ALCAM: variants seen among roughly 807,000 people sequenced by gnomAD.
ALCAM encodes the protein activated leukocyte cell adhesion molecule, also known as CD166 antigen.
A neutral mutation model predicts 70.9 loss-of-function variants in ALCAM; 30 were observed. The ratio of observed to expected loss-of-function variants is 0.42; its 90% CI spans 0.32 to 0.57. The LOEUF is 0.57. Among genes scored for constraint, ALCAM ranks in the 20% least tolerant of loss-of-function variants. The pLI is 0.11. For synonymous variants in ALCAM, 249 were observed against 242.5 expected, an observed-to-expected ratio of 1.03 and a Z score of -0.25; for missense variants, 591 against 695.1, an observed-to-expected ratio of 0.85 and a Z score of 1.68.
intron 1 of ALCAM, among the ~76,000 whole-genome samples, chr3:105,446,126 A>G (rs907617476): frequency 6.6e-6 from 1 of 152,148 alleles, no homozygotes; most frequent in Admixed American, 6.5e-5. Flanking sequence ...TCAACTCAAT[A>G]GCAAAAACCC....
intron 1 of ALCAM, among the ~76,000 whole-genome samples, chr3:105,386,741 A>G (rs1417874712): frequency 4.0e-5 from 6 of 151,568 alleles, no homozygotes; most frequent in South Asian, 4.1e-4. Context: ...TGTGGAAAGT[A>G]TATTCTTTCC....
chr3:105,570,027 A>G (rs1940829033), intron 14 of ALCAM, among the ~76,000 whole-genome samples: 1 of 152,170 alleles, frequency 6.6e-6, no homozygotes, highest in African/African-American at 2.4e-5. Flanking sequence ...CCTTAGCCTA[A>G]CAAAGGAAAG....
At chr3:105,384,678 C>T (rs1232641768) in intron 1 of ALCAM, among the ~76,000 whole-genome samples, 2 of 151,524 alleles carry the variant, frequency 1.3e-5, no homozygotes, top group Non-Finnish European at 3.0e-5. Context: ...CCACTGATAA[C>T]TCTCGTTTAT....
intron 5 of ALCAM, among the ~76,000 whole-genome samples, chr3:105,534,132 C>G (rs533849764): frequency 4.1e-4 from 62 of 152,206 alleles, no homozygotes; most frequent in Non-Finnish European, 7.1e-4. Flanking sequence ...CACAACTGAT[C>G]TGACAGGAGA....
chr3:105,469,325 A>G (rs1937850950), intron 1 of ALCAM, among the ~76,000 whole-genome samples: 1 of 151,224 alleles, frequency 6.6e-6, no homozygotes, highest in Non-Finnish European at 1.5e-5. Flanking sequence ...GCTAGATATT[A>G]GGTAGAGTTT....
At chr3:105,457,484 A>G (rs1937549855) in intron 1 of ALCAM, among the ~76,000 whole-genome samples, 1 of 152,124 alleles carries the variant, frequency 6.6e-6, no homozygotes, top group South Asian at 2.1e-4. Flanking sequence ...AATAATCTGT[A>G]TAACACACCT....
chr3:105,496,861 C>T (rs896581418), intron 1 of ALCAM, among the ~76,000 whole-genome samples: 20 of 137,146 alleles, frequency 1.5e-4, no homozygotes, highest in East Asian at 2.0e-4. Context: ...TGTGTGCATG[C>T]GTGTGTGTGT....
chr3:105,504,178 A>T (rs1478626770), intron 1 of ALCAM, among the ~76,000 whole-genome samples: 1 of 152,170 alleles, frequency 6.6e-6, no homozygotes, highest in Non-Finnish European at 1.5e-5. Flanking sequence ...TCGCTTCTTC[A>T]GTGCCCCACT....
intron 1 of ALCAM, among the ~76,000 whole-genome samples, chr3:105,432,021 C>A (rs565278403): frequency 6.6e-6 from 1 of 151,946 alleles, no homozygotes; most frequent in Non-Finnish European, 1.5e-5. Context: ...TCTGAAAAAA[C>A]GAAAGAATAA....
intron 9 of ALCAM, among the ~76,000 whole-genome samples, chr3:105,545,949 AATACCTGGAAC>A (rs1460572087): frequency 1.3e-5 from 2 of 151,454 alleles, no homozygotes; most frequent in African/African-American, 4.8e-5. Flanking sequence ...GCTATAGTAG[AATACCTGGAAC>A]ATAGTAGGAG....
intron 11 of ALCAM, 136 bp from the exon 12 acceptor site, chr3:105,549,991 A>G (rs930483637): frequency 9.6e-6 from 6 of 626,448 alleles, no homozygotes; most frequent in African/African-American, 7.5e-5. Context: ...GTCTTGATCT[A>G]TGATCTTACA....
intron 1 of ALCAM, among the ~76,000 whole-genome samples, chr3:105,468,208 C>T (rs978171627): frequency 5.3e-5 from 8 of 151,278 alleles, no homozygotes; most frequent in South Asian, 2.1e-4. Flanking sequence ...TTGGCTTTGC[C>T]GTTCTCTTTC....
chr3:105,514,626 A>G (rs1377200013), intron 1 of ALCAM, among the ~76,000 whole-genome samples: 2 of 152,006 alleles, frequency 1.3e-5, no homozygotes, highest in African/African-American at 4.8e-5. Context: ...CAAACTTGGA[A>G]GTAAAATAAA....
At chr3:105,538,460 A>T (rs1940026959) in intron 6 of ALCAM, among the ~76,000 whole-genome samples, 1 of 152,138 alleles carries the variant, frequency 6.6e-6, no homozygotes, top group Non-Finnish European at 1.5e-5. Context: ...ACATGCAGAG[A>T]GTTACTGTCA....
chr3:105,540,229 A>C, intron 7 of ALCAM, 127 bp downstream of exon 7: 1 of 962,378 alleles, frequency 1.0e-6, no homozygotes, highest in Non-Finnish European at 1.4e-6. Context: ...ATAAAATGTC[A>C]CGTGGAAGCT....
At position 105,547,298 on chromosome 3, in the gene ALCAM, TG is replaced by T. The variant is rs771329242; in HGVS notation, c.1240+17del. The T allele has an allele frequency of 6.3e-7, 1 of 1,583,902 alleles. No homozygotes were observed. The highest frequency in any genetic ancestry group is 8.6e-7 in the Non-Finnish European group (1 of 1,166,894). On this transcript the variant is annotated intron_variant, in intron 10 of 15. Transcript: ENST00000306107. ...TCATTGTAGAAGGTAATAAAATACT[TG>T]GGCACTAATTCAAATTGTTCTTTGA... is the stretch of plus-strand genomic sequence containing the variant.
chr3:105,519,751 A>C (rs764268895), intron 1 of ALCAM, among the ~76,000 whole-genome samples: 1 of 152,170 alleles, frequency 6.6e-6, no homozygotes, highest in Non-Finnish European at 1.5e-5. Context: ...TAAAGAAGAT[A>C]ATTCATCTGC....
chr3:105,373,168 A>C (rs1935281026), intron 1 of ALCAM, among the ~76,000 whole-genome samples: 1 of 152,128 alleles, frequency 6.6e-6, no homozygotes. Flanking sequence ...TTGACTCTCC[A>C]GTAGGATTTT....
intron 1 of ALCAM, among the ~76,000 whole-genome samples, chr3:105,435,386 G>A (rs1247333668): frequency 6.6e-6 from 1 of 152,168 alleles, no homozygotes; most frequent in Non-Finnish European, 1.5e-5. Flanking sequence ...TAAATAAAAG[G>A]AGGACACAAA....
Sources: gnomAD v4.1 joint callset for allele counts (sites outside exome capture counted in the v4.1 genomes callset) on GRCh38, gnomAD v4.1.1 for gene constraint, MANE v1.5 for transcripts, NCBI Gene and HGNC (gene_info 2026-07-23, HGNC 2026-07-21) for gene names.